The following SH3RF2 variants were observed in gnomAD, a reference collection of about 807,000 sequenced individuals.
SH3RF2 encodes the protein SH3 domain containing ring finger 2.
SH3RF2 carries 43 observed loss-of-function variants against 59.0 expected under a neutral mutation model. That is an observed-to-expected ratio of 0.73 (90% CI 0.57 to 0.94). SH3RF2 has a LOEUF of 0.94. SH3RF2 is among the 40% of genes least tolerant of loss of function. The probability of loss-of-function intolerance (pLI) is 0.00; values close to 1 mark genes in which losing one functional copy is unlikely to be tolerated. For missense variants in SH3RF2, 930 were observed against 940.1 expected, an observed-to-expected ratio of 0.99 and a Z score of 0.14; for synonymous variants, 391 against 391.5, an observed-to-expected ratio of 1.00 and a Z score of 0.01.
At chr5:145,989,679 G>T (rs1372457913) in intron 2 of SH3RF2, among the ~76,000 whole-genome samples, 1 of 152,140 alleles carries the variant, frequency 6.6e-6, no homozygotes, top group African/African-American at 2.4e-5. Context: ...TATTGATGTT[G>T]GTCCCACCTG....
At chr5:145,978,820 G>C (rs1304347985) in intron 2 of SH3RF2, among the ~76,000 whole-genome samples, 1 of 152,172 alleles carries the variant, frequency 6.6e-6, no homozygotes, top group Non-Finnish European at 1.5e-5. Context: ...TTATAGGGCA[G>C]GTTTCTGCCA....
intron 5 of SH3RF2, among the ~76,000 whole-genome samples, chr5:146,046,421 T>C (rs1449206991): frequency 7.6e-6 from 1 of 132,320 alleles, no homozygotes; most frequent in Non-Finnish European, 1.7e-5. Context: ...CACAAAAGCA[T>C]AGTCCTAAAA....
downstream of SH3RF2, among the ~76,000 whole-genome samples, chr5:146,064,714 GA>G (rs1763026069): frequency 3.8e-5 from 1 of 26,184 alleles, no homozygotes; most frequent in African/African-American, 1.4e-4. Flanking sequence ...AAGAAAGAAA[GA>G]AAGAAAGAAA....
intron 2 of SH3RF2, among the ~76,000 whole-genome samples, chr5:145,978,685 G>GA (rs72055049): frequency 0.19 from 25,161 of 133,068 alleles, 2,709 homozygotes; most frequent in African/African-American, 0.31. Context: ...TGGTTTTAAG[G>GA]AAAAAAAAAA....
intron 5 of SH3RF2, among the ~76,000 whole-genome samples, chr5:146,018,522 ACACACAC>A (rs1761192528): frequency 1.4e-5 from 2 of 147,532 alleles, no homozygotes; most frequent in Admixed American, 1.4e-4. Context: ...ACCCACACAC[ACACACAC>A]CACATTTTCT....
chr5:146,035,161 G>A (rs964111160), intron 5 of SH3RF2, among the ~76,000 whole-genome samples: 9 of 150,864 alleles, frequency 6.0e-5, no homozygotes, highest in South Asian at 2.1e-4. Context: ...GGTGGTAGGC[G>A]ATTTTTTTTT....
chr5:145,983,186 G>A (rs1221427516), intron 2 of SH3RF2, among the ~76,000 whole-genome samples: 2 of 151,228 alleles, frequency 1.3e-5, no homozygotes, highest in East Asian at 3.9e-4. Flanking sequence ...AGCAATGTCT[G>A]TTGGTAGCCA....
chr5:146,018,302 C>T (rs900753071), intron 5 of SH3RF2, among the ~76,000 whole-genome samples: 2 of 152,056 alleles, frequency 1.3e-5, no homozygotes, highest in Admixed American at 1.3e-4. Context: ...CTCTGTATGC[C>T]TTTTCATACC....
At chr5:146,063,881 G>A (rs1762982319), downstream of SH3RF2, among the ~76,000 whole-genome samples, 1 of 151,452 alleles carries the variant, frequency 6.6e-6, no homozygotes, top group African/African-American at 2.5e-5. Flanking sequence ...AAGAAAAAAA[G>A]AAAGCACAAC....
chr5:145,982,101 C>A lies in SH3RF2; in HGVS notation c.379-17957C>A, dbSNP rs1390303699. Among the ~76,000 whole-genome samples the A allele has an allele frequency of 5.9e-5, 9 of 152,282 alleles. No homozygotes were observed. In the East Asian group the frequency reaches 1.5e-3, roughly 26 times the overall value. ...TGATTAAGTATTTGCATGAGTGCCT[C>A]AGGTATGTATGACATTCTGTGGTGA... On this transcript the variant is annotated intron_variant, in intron 2 of 9. Coordinates refer to ENST00000359120, the MANE Select transcript of SH3RF2 (RefSeq NM_152550.4).
rs1159139283 is a variant in SH3RF2 at position 146,059,940 on chromosome 5, A to G, written c.1630A>G (p.Met544Val). The G allele has an allele frequency of 6.5e-7, 1 of 1,529,408 alleles. No homozygotes were observed. The highest frequency in any genetic ancestry group is 1.3e-5 in the South Asian group (1 of 76,156). The allele number at this position is 1,529,408 out of a possible 1,614,324, so 94.7% of individuals were successfully genotyped here. A position where few individuals can be genotyped will look rare whatever the true frequency, so the allele number is the denominator to read the frequency against. Reference sequence around the variant, plus strand: ...AGGCTCCCTCAGACGCAGCCCCACCATGGTCCTTCGGCCTCAGCAGTTCCA... The same window carrying G: ...AGGCTCCCTCAGACGCAGCCCCACCGTGGTCCTTCGGCCTCAGCAGTTCCA... ...VVGSLRRSPT[M>V]VLRPQQFQFY... is the part of the protein sequence containing the mutation. Residue 544 changes from methionine to valine, a missense_variant, in exon 9 of 10, where the codon ATG becomes GTG. Transcript: ENST00000359120.
At chr5:146,069,721 G>A (rs999300086) in intron 9 of SH3RF2, among the ~76,000 whole-genome samples, 1 of 152,070 alleles carries the variant, frequency 6.6e-6, no homozygotes, top group Non-Finnish European at 1.5e-5. Flanking sequence ...CTACAGGCGT[G>A]TGCCACCACA....
chr5:146,033,451 CTTTTTTTTTT>C (rs558717056), intron 5 of SH3RF2, among the ~76,000 whole-genome samples: 4 of 71,856 alleles, frequency 5.6e-5, no homozygotes, highest in African/African-American at 1.9e-4. Context: ...TAGCCCTTAG[CTTTTTTTTTT>C]TTTTTTTTTT....
In SH3RF2 at chr5:145,947,823, G is replaced by A. The variant is rs190277497; in HGVS notation, c.378+9517G>A. Among the ~76,000 whole-genome samples, 7 of 152,300 alleles carry A rather than the reference G, an allele frequency of 4.6e-5. No individual in the cohort carries two copies. In the East Asian group the frequency reaches 1.3e-3, roughly 29 times the overall value. On this transcript the variant is annotated intron_variant, in intron 2 of 9. Coordinates refer to ENST00000359120, the MANE Select transcript of SH3RF2 (RefSeq NM_152550.4). ...TTGCTTGGGCTCCAAAAGTGAGAGA[G>A]ACAGGATCCATGTCCTCAATAGCTT...
At chr5:146,044,149 G>GTT (rs796365278) in intron 5 of SH3RF2, among the ~76,000 whole-genome samples, 10 of 61,192 alleles carry the variant, frequency 1.6e-4, no homozygotes, top group South Asian at 1.1e-3. Flanking sequence ...GTTTTTTTTT[G>GTT]TTTTTTTTTT....
At chr5:145,970,136 TC>T (rs980784782) in intron 2 of SH3RF2, among the ~76,000 whole-genome samples, 52 of 152,164 alleles carry the variant, frequency 3.4e-4, no homozygotes, top group East Asian at 1.9e-4. Context: ...ATTTTTTTTT[TC>T]AATCGTTTTT....
chr5:145,970,434 G>T (rs1237799986), intron 2 of SH3RF2, among the ~76,000 whole-genome samples: 1 of 152,166 alleles, frequency 6.6e-6, no homozygotes, highest in African/African-American at 2.4e-5. Context: ...CATCCAGGTT[G>T]CTGAGAATGC....
intron 5 of SH3RF2, among the ~76,000 whole-genome samples, chr5:146,037,151 G>A (rs555066296): frequency 1.6e-4 from 24 of 152,224 alleles, no homozygotes; most frequent in African/African-American, 5.1e-4. Context: ...CATGTGAGCC[G>A]GACATTATGC....
At chr5:145,985,446 G>T (rs1159899126) in intron 2 of SH3RF2, among the ~76,000 whole-genome samples, 2 of 152,148 alleles carry the variant, frequency 1.3e-5, no homozygotes, top group East Asian at 3.9e-4. Context: ...GGGCCTGGGA[G>T]TATTTACAGT....
Sources: gnomAD v4.1 joint callset for allele counts (sites outside exome capture counted in the v4.1 genomes callset) on GRCh38, gnomAD v4.1.1 for gene constraint, MANE v1.5 for transcripts, NCBI Gene and HGNC (gene_info 2026-07-23, HGNC 2026-07-21) for gene names.